GSG1L: variants seen among roughly 807,000 people sequenced by gnomAD.
GSG1L encodes the protein GSG1 like, also known as germ cell-specific gene 1-like protein.
Under a neutral mutation model 42.1 loss-of-function variants are expected in GSG1L, and 24 were observed. That is an observed-to-expected ratio of 0.57 (90% CI 0.41 to 0.80). The LOEUF (loss-of-function observed/expected upper bound fraction) is 0.80. Ranked by LOEUF, GSG1L falls within the 30% of genes least tolerant of loss-of-function variation. GSG1L has a pLI of 0.00. For synonymous variants in GSG1L, 215 were observed against 203.5 expected, an observed-to-expected ratio of 1.06 and a Z score of -0.48; for missense variants, 445 against 472.2, an observed-to-expected ratio of 0.94 and a Z score of 0.53.
chr16:27,978,812 G>A (rs1187819297), intron 1 of GSG1L, among the ~76,000 whole-genome samples: 7 of 150,836 alleles, frequency 4.6e-5, no homozygotes, highest in African/African-American at 1.7e-4. Context: ...TTTTGTAGTT[G>A]TTTGCTATTA....
In GSG1L at chr16:27,974,764, G is replaced by A. The variant is rs1307372869; in HGVS notation, c.350-11561C>T. On this transcript the variant is annotated intron_variant, in intron 1 of 6. Transcript: ENST00000447459. ...GCAATGACTGAGGCGAGCCTGTGGG[G>A]ACTGGGTGACCGTGAGAGGGTGTGC... 2.6e-5 allele frequency among the ~76,000 whole-genome samples: 4 copies of A among 152,208 alleles called. No homozygotes were observed. In the East Asian group the frequency reaches 7.7e-4, roughly 29 times the overall value.
At position 27,901,777 on chromosome 16, in the gene GSG1L, C is replaced by T. The variant is rs113506344; in HGVS notation, c.398-17139G>A. ...GCCCCGTAGTGCTTGGGATAAACCCCAGCTCCGTGCCTTGACATTTGAGTT... is the reference window on the plus strand; with the variant it reads ...GCCCCGTAGTGCTTGGGATAAACCCTAGCTCCGTGCCTTGACATTTGAGTT... On this transcript the variant is annotated intron_variant, in intron 2 of 6. Transcript: ENST00000447459. Among the ~76,000 whole-genome samples the T allele has an allele frequency of 2.4e-3, 366 of 152,362 alleles. 1 individual carries two copies. Among genetic ancestry groups the T allele is most frequent in the Middle Eastern group, 3.4e-3 (1 of 294 alleles).
At chr16:27,804,420 G>A (rs887146212) in intron 6 of GSG1L, among the ~76,000 whole-genome samples, 1 of 152,044 alleles carries the variant, frequency 6.6e-6, no homozygotes, top group African/African-American at 2.4e-5. Context: ...CGCTGACTCT[G>A]AAGGAGTGCC....
intron 1 of GSG1L, among the ~76,000 whole-genome samples, chr16:27,978,835 C>T (rs1159841390): frequency 1.3e-5 from 2 of 151,754 alleles, no homozygotes; most frequent in Admixed American, 1.3e-4. Flanking sequence ...GTTGACCATT[C>T]CAATCTTCTG....
chr16:27,922,256 C>T lies in GSG1L; in HGVS notation c.398-37618G>A, dbSNP rs553383102. Among the ~76,000 whole-genome samples the T allele has an allele frequency of 3.3e-5, 5 of 152,178 alleles. No individual in the cohort carries two copies. The South Asian group carries it at 1.0e-3, about 32-fold the overall frequency. ...GCAGTTTTTCTCTCTTTATCATTCC[C>T]ATGTTTCCAGGTCTCTTGATGCCCA... is the stretch of plus-strand genomic sequence containing the variant. On this transcript the variant is annotated intron_variant, in intron 2 of 6. Transcript: ENST00000447459.
chr16:27,875,666 G>A (rs184041533), intron 3 of GSG1L, among the ~76,000 whole-genome samples: 18 of 152,280 alleles, frequency 1.2e-4, no homozygotes, highest in African/African-American at 2.6e-4. Context: ...CATCATGGAC[G>A]TGCCAACAGA....
intron 2 of GSG1L, among the ~76,000 whole-genome samples, chr16:27,929,548 G>A (rs2084633166): frequency 6.6e-6 from 1 of 152,192 alleles, no homozygotes; most frequent in African/African-American, 2.4e-5. Flanking sequence ...AGCCGTAACA[G>A]AGGAACTGCA....
At chr16:27,973,087 A>G (rs565477882) in intron 1 of GSG1L, among the ~76,000 whole-genome samples, 3 of 152,238 alleles carry the variant, frequency 2.0e-5, no homozygotes, top group Admixed American at 2.0e-4. Context: ...CGAAATGGGC[A>G]CAGCACCTGT....
intron 2 of GSG1L, chr16:27,887,957 G>T: frequency 8.6e-6 from 3 of 348,872 alleles, no homozygotes; most frequent in Non-Finnish European, 4.0e-6. Flanking sequence ...TGGCCCAAGG[G>T]CCACCAGGCA....
chr16:27,924,995 A>G (rs1439737071), intron 2 of GSG1L, among the ~76,000 whole-genome samples: 2 of 152,204 alleles, frequency 1.3e-5, no homozygotes, highest in East Asian at 1.9e-4. Flanking sequence ...TGGGATAGCC[A>G]TGTGGATTTA....
chr16:27,975,658 T>A (rs1265885346), intron 1 of GSG1L, among the ~76,000 whole-genome samples: 1 of 152,164 alleles, frequency 6.6e-6, no homozygotes, highest in Non-Finnish European at 1.5e-5. Flanking sequence ...TCATATTCTA[T>A]CTCTCTATCT....
At chr16:27,952,595 G>A (rs145831426) in intron 2 of GSG1L, among the ~76,000 whole-genome samples, 1 of 152,274 alleles carries the variant, frequency 6.6e-6, no homozygotes, top group East Asian at 1.9e-4. Flanking sequence ...ACTGTAGGAG[G>A]CAGGGATTGA....
chr16:28,028,463 C>T (rs1225691256), intron 1 of GSG1L, among the ~76,000 whole-genome samples: 1 of 151,896 alleles, frequency 6.6e-6, no homozygotes, highest in East Asian at 1.9e-4. Context: ...TTACCACTGC[C>T]TCATTCTGCT....
chr16:27,918,873 C>A (rs541028990), intron 2 of GSG1L, among the ~76,000 whole-genome samples: 3 of 152,092 alleles, frequency 2.0e-5, no homozygotes, highest in African/African-American at 7.2e-5. Context: ...TGGGAGACAC[C>A]TCTGGGAGTG....
intron 2 of GSG1L, among the ~76,000 whole-genome samples, chr16:27,946,067 G>A (rs2084856723): frequency 6.6e-6 from 1 of 152,258 alleles, no homozygotes; most frequent in Non-Finnish European, 1.5e-5. Flanking sequence ...CAGTGGAAGA[G>A]GAACCAGGAG....
chr16:27,881,402 C>T (rs916413950), intron 3 of GSG1L, among the ~76,000 whole-genome samples: 2 of 151,858 alleles, frequency 1.3e-5, no homozygotes, highest in African/African-American at 2.4e-5. Context: ...CCACCATGCC[C>T]AGCTAATTTT....
chr16:27,862,793 A>G (rs1707882964), intron 3 of GSG1L, among the ~76,000 whole-genome samples: 1 of 152,178 alleles, frequency 6.6e-6, no homozygotes, highest in Non-Finnish European at 1.5e-5. Context: ...TACGCTCCCC[A>G]TATACACAGA....
At chr16:27,979,749 G>GAAAGAAAGAAA (rs1343911551) in intron 1 of GSG1L, among the ~76,000 whole-genome samples, 3 of 99,150 alleles carry the variant, frequency 3.0e-5, no homozygotes, top group African/African-American at 8.4e-5. Flanking sequence ...AAGAAAGAAA[G>GAAAGAAAGAAA]GAAAGAAAGA....
chr16:28,001,794 G>T (rs1223858908), intron 1 of GSG1L, among the ~76,000 whole-genome samples: 1 of 152,178 alleles, frequency 6.6e-6, no homozygotes, highest in Non-Finnish European at 1.5e-5. Context: ...GCCCAAGGTT[G>T]GCCCAGGCAG....
Sources: allele counts gnomAD v4.1 joint callset (sites outside exome capture counted in the v4.1 genomes callset), GRCh38; gene constraint gnomAD v4.1.1; transcripts MANE v1.5; gene names NCBI Gene and HGNC (gene_info 2026-07-23, HGNC 2026-07-21).